ROR1: variants seen among roughly 807,000 people sequenced by gnomAD.
ROR1 encodes inactive tyrosine-protein kinase transmembrane receptor ROR1.
ROR1 carries 19 observed loss-of-function variants against 78.8 expected under a neutral mutation model. The observed-to-expected ratio is 0.24, with a 90% confidence interval of 0.17 to 0.35. The LOEUF (loss-of-function observed/expected upper bound fraction) is 0.35. Among genes scored for constraint, ROR1 ranks in the 10% least tolerant of loss-of-function variants. The pLI is 1.00. For missense variants in ROR1, 917 were observed against 1,177.8 expected (o/e 0.78, Z 3.24); for synonymous variants, 386 against 433.6 (o/e 0.89, Z 1.36).
At chr1:64,162,397 C>T (rs947979031) in intron 8 of ROR1, among the ~76,000 whole-genome samples, 3 of 152,120 alleles carry the variant, frequency 2.0e-5, no homozygotes, top group Non-Finnish European at 4.4e-5. Flanking sequence ...TGACGAGGCC[C>T]GGCTTGGGTC....
intron 4 of ROR1, among the ~76,000 whole-genome samples, chr1:64,127,524 C>G (rs1648755061): frequency 6.6e-6 from 1 of 151,660 alleles, no homozygotes; most frequent in Non-Finnish European, 1.5e-5. Context: ...CTCTCTCTGT[C>G]TCTCTCTCCT....
chr1:64,099,574 T>A (rs1258823888), intron 4 of ROR1, among the ~76,000 whole-genome samples: 2 of 152,162 alleles, frequency 1.3e-5, no homozygotes, highest in African/African-American at 4.8e-5. Flanking sequence ...TATTTTCTAG[T>A]TGGCTGTAAA....
intron 4 of ROR1, among the ~76,000 whole-genome samples, chr1:64,125,367 C>G (rs1648675122): frequency 6.6e-6 from 1 of 152,152 alleles, no homozygotes; most frequent in South Asian, 2.1e-4. Flanking sequence ...GTCTTGCTTT[C>G]ACTAGGAGAA....
At chr1:63,804,704 A>G (rs574504936) in intron 1 of ROR1, among the ~76,000 whole-genome samples, 1 of 152,304 alleles carries the variant, frequency 6.6e-6, no homozygotes, top group South Asian at 2.1e-4. Context: ...ATACATGTGC[A>G]GGGCTGCTTT....
In ROR1 at chr1:64,015,499, A is replaced by G. The variant is rs1260929669; in HGVS notation, c.163+6123A>G. On this transcript the variant is annotated intron_variant, in intron 2 of 8. Coordinates refer to ENST00000371079, the MANE Select transcript of ROR1 (RefSeq NM_005012.4). The stretch of plus-strand genomic sequence containing the variant: ...GAGTGGTTTGCTCCCTCTTGTCCCC[A>G]CTCTGTTACTTGATTTGTCCTTGGC... 2.0e-5 allele frequency among the ~76,000 whole-genome samples: 3 copies of G among 151,560 alleles called. No individual in the cohort carries two copies. In the East Asian group the frequency reaches 5.8e-4, roughly 29 times the overall value.
At chr1:64,072,938 G>T (rs1647019637) in intron 4 of ROR1, among the ~76,000 whole-genome samples, 1 of 152,102 alleles carries the variant, frequency 6.6e-6, no homozygotes, top group Non-Finnish European at 1.5e-5. Context: ...ATTCAGATAA[G>T]AATTCAACCC....
Position 64,131,451 on chromosome 1 carries a change from C to A in ROR1, c.483-5918C>A, listed in dbSNP as rs1648908737. Reference sequence around the variant, plus strand: ...GTTTAGTCTGCTTGGAAGTGACTTACAAAGCTACCCCCACGACCTCCCCCA... The same window carrying A: ...GTTTAGTCTGCTTGGAAGTGACTTAAAAAGCTACCCCCACGACCTCCCCCA... On this transcript the variant is annotated intron_variant, in intron 4 of 8. Transcript: ENST00000371079. Among the ~76,000 whole-genome samples the A allele has an allele frequency of 1.3e-5, 2 of 152,100 alleles. 1 individual carries two copies. The highest frequency in any genetic ancestry group is 4.1e-4 in the South Asian group (2 of 4,820).
intron 1 of ROR1, among the ~76,000 whole-genome samples, chr1:63,926,154 C>T (rs1179047561): frequency 1.9e-4 from 29 of 151,720 alleles, no homozygotes; most frequent in Middle Eastern, 3.4e-3. Context: ...TTAGGTCTAA[C>T]GTTTAAGTCT....
At chr1:63,847,673 T>C (rs1645089747) in intron 1 of ROR1, among the ~76,000 whole-genome samples, 1 of 152,190 alleles carries the variant, frequency 6.6e-6, no homozygotes, top group Admixed American at 6.5e-5. Flanking sequence ...AACTTGATAA[T>C]TAAAATTCTA....
chr1:64,069,195 C>G (rs986807182), intron 4 of ROR1, among the ~76,000 whole-genome samples: 7 of 151,910 alleles, frequency 4.6e-5, no homozygotes, highest in Admixed American at 3.9e-4. Flanking sequence ...ATCAAAATCA[C>G]TGTGTATTTG....
chr1:63,981,941 C>T (rs892688822), intron 1 of ROR1, among the ~76,000 whole-genome samples: 35 of 152,174 alleles, frequency 2.3e-4, no homozygotes, highest in Middle Eastern at 3.4e-3. Flanking sequence ...TTGTTGCTCT[C>T]GCTTGCCTCC....
chr1:64,151,302 C>G (rs141958367), intron 7 of ROR1, among the ~76,000 whole-genome samples: 1 of 152,270 alleles, frequency 6.6e-6, no homozygotes, highest in Non-Finnish European at 1.5e-5. Context: ...ATATAGTCAA[C>G]CCTCAGCAAC....
intron 1 of ROR1, among the ~76,000 whole-genome samples, chr1:63,875,546 T>C (rs966891817): frequency 2.6e-5 from 4 of 152,210 alleles, no homozygotes; most frequent in African/African-American, 9.6e-5. Flanking sequence ...TTTTTTCTTC[T>C]TTCTTAACTT....
At position 64,138,084 on chromosome 1, in the gene ROR1, T is replaced by C. The variant is rs565311961; in HGVS notation, c.610+588T>C. ...AAGTATCCTTTTGATAGAAATCTAATAGCGAAGCACTTACTAGCACACATG... is the reference window on the plus strand; with the variant it reads ...AAGTATCCTTTTGATAGAAATCTAACAGCGAAGCACTTACTAGCACACATG... On this transcript the variant is annotated intron_variant, in intron 5 of 8. Transcript: ENST00000371079. Among the ~76,000 whole-genome samples, 7 of 152,342 alleles carry C rather than the reference T, an allele frequency of 4.6e-5. No homozygotes were observed. In the South Asian group the frequency reaches 8.3e-4, roughly 18 times the overall value.
At chr1:63,885,486 G>A (rs1010617388) in intron 1 of ROR1, among the ~76,000 whole-genome samples, 3 of 152,134 alleles carry the variant, frequency 2.0e-5, no homozygotes, top group African/African-American at 7.2e-5. Context: ...GATCAGTGGT[G>A]GTTTCTGGGT....
chr1:64,141,959 C>T (rs1216864717), intron 6 of ROR1, among the ~76,000 whole-genome samples: 2 of 152,106 alleles, frequency 1.3e-5, no homozygotes, highest in African/African-American at 4.8e-5. Flanking sequence ...CCAGAATGCA[C>T]AGCCTCTGAT....
At chr1:64,002,186 T>G (rs1646389936) in intron 1 of ROR1, among the ~76,000 whole-genome samples, 1 of 142,802 alleles carries the variant, frequency 7.0e-6, no homozygotes, top group South Asian at 2.2e-4. Flanking sequence ...CAGGCTGGAG[T>G]GCAGTGGCAC....
At chr1:63,812,791 C>T (rs1644868388) in intron 1 of ROR1, among the ~76,000 whole-genome samples, 1 of 152,122 alleles carries the variant, frequency 6.6e-6, no homozygotes, top group Admixed American at 6.5e-5. Flanking sequence ...TTTATTACCT[C>T]TTTTAGTCCT....
At chr1:64,121,114 CTTTCT>C in intron 4 of ROR1, among the ~76,000 whole-genome samples, 1 of 92,884 alleles carries the variant, frequency 1.1e-5, no homozygotes, top group Non-Finnish European at 2.0e-5. Flanking sequence ...GCCCTATCTT[CTTTCT>C]TTTCTTCTTT....
Sources: allele counts gnomAD v4.1 joint callset (sites outside exome capture counted in the v4.1 genomes callset), GRCh38; gene constraint gnomAD v4.1.1; transcripts MANE v1.5; gene names NCBI Gene and HGNC (gene_info 2026-07-23, HGNC 2026-07-21).